The following TP53I13 variants were observed in gnomAD, a reference collection of about 807,000 sequenced individuals.
TP53I13 encodes tumor protein p53 inducible protein 13.
A neutral mutation model predicts 39.1 loss-of-function variants in TP53I13; 27 were observed. The ratio of observed to expected loss-of-function variants is 0.69; its 90% CI spans 0.51 to 0.95. TP53I13 has a LOEUF of 0.95. TP53I13 is among the 40% of genes least tolerant of loss of function. TP53I13 has a pLI of 0.00. For synonymous variants in TP53I13, 230 were observed against 224.6 expected (o/e 1.02, Z -0.22); for missense variants, 544 against 520.4 (o/e 1.05, Z -0.44).
chr17:29,578,279 A>G, the TP53I13 span: 1 of 1,604,150 alleles, frequency 6.2e-7, no homozygotes, highest in Non-Finnish European at 8.5e-7. Context: ...CACGCCAGAC[A>G]CTCCTGCTCC....
upstream of TP53I13, chr17:29,566,861 T>C (rs2150792473): frequency 2.0e-6 from 3 of 1,506,694 alleles, no homozygotes; most frequent in African/African-American, 1.4e-5. Flanking sequence ...GGCAGGGTCC[T>C]CTCTCCGACG....
downstream of TP53I13, chr17:29,574,384 C>T (rs1471822124): frequency 2.6e-6 from 1 of 391,892 alleles, no homozygotes. Context: ...CCCCACCTGC[C>T]CCTTTGCTGA....
At chr17:29,569,156 G>T (rs1472679336) in intron 2 of TP53I13, 70 bp downstream of exon 2, 24 of 1,509,714 alleles carry the variant, frequency 1.6e-5, no homozygotes, top group Non-Finnish European at 1.9e-5. Context: ...TGTTCTCGCC[G>T]CACCCTCCAC....
chr17:29,571,512 T>C, intron 3 of TP53I13, 79 bp from the exon 4 acceptor site: 1 of 1,588,308 alleles, frequency 6.3e-7, no homozygotes, highest in Non-Finnish European at 8.6e-7. Flanking sequence ...ACCTTTAAAC[T>C]GGTCCCCTGG....
the TP53I13 span, among the ~76,000 whole-genome samples, chr17:29,579,912 T>G: frequency 1.3e-5 from 2 of 151,982 alleles, no homozygotes; most frequent in African/African-American, 4.8e-5. Context: ...AACTCTCCGC[T>G]CTCGGGATGG....
chr17:29,575,783 C>T, downstream of TP53I13: 1 of 1,609,546 alleles, frequency 6.2e-7, no homozygotes, highest in Non-Finnish European at 8.5e-7. The surrounding 1 kb of genome is among the most constrained non-coding windows in gnomAD (Gnocchi z 5.5). Context: ...CCCCAGCCAC[C>T]CTGTGGGCAC....
the TP53I13 span, chr17:29,578,630 GA>G: frequency 1.8e-6 from 2 of 1,123,628 alleles, no homozygotes; most frequent in Non-Finnish European, 2.7e-6. Flanking sequence ...CAAAGACTTG[GA>G]AAAGGTCATC....
the TP53I13 span, chr17:29,581,316 G>A: frequency 6.3e-7 from 1 of 1,594,928 alleles, no homozygotes; most frequent in South Asian, 1.1e-5. The surrounding 1 kb of genome is among the most constrained non-coding windows in gnomAD (Gnocchi z 4.8). Flanking sequence ...CCTCTGGAAA[G>A]GGGCATCAGG....
At chr17:29,569,163 C>T in intron 2 of TP53I13, 77 bp downstream of exon 2, 2 of 1,502,372 alleles carry the variant, frequency 1.3e-6, no homozygotes, top group Non-Finnish European at 1.8e-6. Flanking sequence ...GCCGCACCCT[C>T]CACAGTCACC....
chr17:29,569,427 C>G, intron 3 of TP53I13, 68 bp downstream of exon 3: 1 of 1,516,532 alleles, frequency 6.6e-7, no homozygotes. Context: ...TAGCAGGCTT[C>G]GCTGCCTGTT....
the TP53I13 span, chr17:29,581,827 C>A: frequency 6.2e-7 from 1 of 1,612,600 alleles, no homozygotes; most frequent in African/African-American, 1.3e-5. The surrounding 1 kb of genome is among the most constrained non-coding windows in gnomAD (Gnocchi z 4.8). Context: ...GCTCATGGTG[C>A]CCCGCCTGCC....
rs750568637 is a variant in TP53I13 at position 29,571,680 on chromosome 17, C to A, written c.273C>A (p.Asn91Lys). The change falls in exon 4 of 7, where the codon AAC becomes AAA. Residue 91 changes from asparagine (N) to lysine (K), a missense_variant. Coordinates refer to ENST00000301057, the MANE Select transcript of TP53I13 (RefSeq NM_138349.4). ...LALLAYACMANPSLTPDFSLT... is the reference protein window; with the variant it reads ...LALLAYACMAKPSLTPDFSLT... Reference sequence around the variant, plus strand: ...TCCTGGCCTATGCTTGTATGGCTAACCCTTCCCTCACCCCTGACTTCAGCC... The same window carrying A: ...TCCTGGCCTATGCTTGTATGGCTAAACCTTCCCTCACCCCTGACTTCAGCC... 6.2e-7 allele frequency: 1 copy of A among 1,614,080 alleles called. No individual in the cohort carries two copies. The highest frequency in any genetic ancestry group is 1.6e-4 in the Middle Eastern group (1 of 6,084).
At position 29,571,943 on chromosome 17, in the gene TP53I13, G is replaced by T. The variant is rs2032946981; in HGVS notation, c.399G>T (p.Arg133=). 3 of 1,613,066 alleles carry T rather than the reference G, an allele frequency of 1.9e-6. No individual in the cohort carries two copies. The highest frequency in any genetic ancestry group is 8.5e-7 in the Non-Finnish European group (1 of 1,179,982). ...CTGCCCACTGGCTGATGAGGAGGCG[G>T]AGGAGGAAGCAGAGGAAGAAGAAGG... ...AWAAHWLMRR[R]RRKQRKKKAW... Residue 133 remains arginine (R), a synonymous_variant, in exon 5 of 7, where the codon CGG becomes CGT. Coordinates refer to ENST00000301057, the MANE Select transcript of TP53I13 (RefSeq NM_138349.4).
At chr17:29,576,297 G>C (rs781016786), downstream of TP53I13, 3 of 1,612,828 alleles carry the variant, frequency 1.9e-6, no homozygotes, top group Non-Finnish European at 8.5e-7. Context: ...GCAGAGCCAG[G>C]TTCATACATG....
Position 29,572,871 on chromosome 17 carries a change from C to G in TP53I13, c.1129C>G (p.Pro377Ala). 6.6e-7 allele frequency: 1 copy of G among 1,520,438 alleles called. No homozygotes were observed. The highest frequency in any genetic ancestry group is 2.5e-5 in the East Asian group (1 of 39,226). The allele number at this position is 1,520,438 out of a possible 1,614,324, so 94.2% of individuals were successfully genotyped here. A position where few individuals can be genotyped will look rare whatever the true frequency, so the allele number is the denominator to read the frequency against. The change falls in exon 7 of 7, where the codon CCC (proline) becomes GCC (alanine). Residue 377 changes from proline to alanine, a missense_variant. Pro to Ala is a conservative substitution (Grantham distance 27). Transcript: ENST00000301057. Reference protein sequence around the residue: ...SRRVKRSRRRPLLPPTPDSGP... With the variant: ...SRRVKRSRRRALLPPTPDSGP... ...CCGGGTCAAGCGCTCGCGCCGGAGA[C>G]CCCTCCTCCCGCCCACGCCGGACAG...
chr17:29,567,106 C>T, upstream of TP53I13: 1 of 661,822 alleles, frequency 1.5e-6, no homozygotes, highest in Non-Finnish European at 2.0e-6. The surrounding 1 kb of genome is among the most constrained non-coding windows in gnomAD (Gnocchi z 6.6). Flanking sequence ...TTGGCCGTGG[C>T]CGGGCAGAGG....
chr17:29,580,755 A>C, the TP53I13 span, among the ~76,000 whole-genome samples: 1 of 150,834 alleles, frequency 6.6e-6, no homozygotes, highest in African/African-American at 2.4e-5. Flanking sequence ...TCCCAGCCGG[A>C]GGTAGCTTCT....
chr17:29,568,715 T>C lies in TP53I13; in HGVS notation c.-44T>C. 3.0e-6 allele frequency: 4 copies of C among 1,332,608 alleles called. No individual in the cohort carries two copies. Among genetic ancestry groups the C allele is most frequent in the Non-Finnish European group, 3.8e-6 (4 of 1,040,234 alleles). The allele number at this position is 1,332,608 out of a possible 1,614,324, so 82.5% of individuals were successfully genotyped here. A position where few individuals can be genotyped will look rare whatever the true frequency, so the allele number is the denominator to read the frequency against. Reference sequence around the variant, plus strand: ...GGGCGGGGCGCGCGCGCTCCCTCGCTGGCGGAGCGGCTGGGCGGCGGGCCG... The same window carrying C: ...GGGCGGGGCGCGCGCGCTCCCTCGCCGGCGGAGCGGCTGGGCGGCGGGCCG... On this transcript the variant is annotated 5_prime_UTR_variant, in exon 1 of 7. Coordinates refer to ENST00000301057, the MANE Select transcript of TP53I13 (RefSeq NM_138349.4). This position sits in a 1 kb window ranked among gnomAD's most constrained non-coding sequence, Gnocchi z 4.5.
chr17:29,575,737 T>G, downstream of TP53I13: 1 of 1,611,276 alleles, frequency 6.2e-7, no homozygotes, highest in Non-Finnish European at 8.5e-7. The surrounding 1 kb of genome is among the most constrained non-coding windows in gnomAD (Gnocchi z 5.5). Context: ...GTGAGCGCCG[T>G]GTTCCTGGAC....
Sources: allele counts gnomAD v4.1 joint callset (sites outside exome capture counted in the v4.1 genomes callset), GRCh38; gene constraint gnomAD v4.1.1; non-coding constraint Gnocchi (gnomAD v3.1); transcripts MANE v1.5; gene names NCBI Gene and HGNC (gene_info 2026-07-23, HGNC 2026-07-21).